PCDHA7: variants seen among roughly 807,000 people sequenced by gnomAD.
PCDHA7 encodes protocadherin alpha-7.
PCDHA7 carries 37 observed loss-of-function variants against 57.2 expected under a neutral mutation model. The observed-to-expected ratio is 0.65, with a 90% CI of 0.50 to 0.85. The LOEUF is 0.85. PCDHA7 is among the 40% of genes least tolerant of loss of function. PCDHA7 has a pLI of 0.00. For missense variants in PCDHA7, 1,188 were observed against 1,241.8 expected (o/e 0.96, Z 0.65); for synonymous variants, 553 against 558.8 (o/e 0.99, Z 0.15).
chr5:140,889,037 A>G (rs2062077417), intron 1 of PCDHA7, among the ~76,000 whole-genome samples: 1 of 151,994 alleles, frequency 6.6e-6, no homozygotes, highest in Non-Finnish European at 1.5e-5. Context: ...CCGTAATTTG[A>G]TTATAATTTA....
At chr5:140,941,210 T>TCTTCCTTTCTTTCTTC (rs2092851427) in intron 1 of PCDHA7, among the ~76,000 whole-genome samples, 1 of 100,630 alleles carries the variant, frequency 9.9e-6, no homozygotes, top group South Asian at 2.9e-4. Context: ...TTCCTTTCTT[T>TCTTCCTTTCTTTCTTC]CTTCCTTTCT....
chr5:140,959,795 T>G (rs2095511248), intron 1 of PCDHA7, among the ~76,000 whole-genome samples: 1 of 152,180 alleles, frequency 6.6e-6, no homozygotes, highest in Non-Finnish European at 1.5e-5. Flanking sequence ...CATGGCTAAT[T>G]TAGAGGATTT....
intron 1 of PCDHA7, among the ~76,000 whole-genome samples, chr5:140,922,977 G>C (rs935363543): frequency 3.9e-5 from 6 of 152,204 alleles, no homozygotes; most frequent in Non-Finnish European, 5.9e-5. Context: ...GCATATCTCA[G>C]ACAATAGGCA....
At chr5:140,901,930 C>G (rs902948893) in intron 1 of PCDHA7, among the ~76,000 whole-genome samples, 2 of 151,400 alleles carry the variant, frequency 1.3e-5, no homozygotes, top group Admixed American at 1.3e-4. Flanking sequence ...TTGGTTAATT[C>G]CTAGGTATAT....
chr5:140,850,813 G>A (rs2150499202), intron 1 of PCDHA7: 2 of 1,598,488 alleles, frequency 1.3e-6, no homozygotes, highest in Admixed American at 1.7e-5. Flanking sequence ...ATGGCCTTCA[G>A]CCCGGGCCTT....
intron 1 of PCDHA7, chr5:140,968,079 C>T (rs782150880): frequency 5.0e-6 from 8 of 1,614,142 alleles, no homozygotes; most frequent in Admixed American, 3.3e-5. Flanking sequence ...TACAACATCA[C>T]GGTGACAGCC....
chr5:140,976,453 G>A (rs1554237653), intron 1 of PCDHA7, among the ~76,000 whole-genome samples: 1 of 152,032 alleles, frequency 6.6e-6, no homozygotes, highest in Admixed American at 6.6e-5. Flanking sequence ...AGGGAGGCTG[G>A]GGAAGAAGAA....
chr5:140,882,720 G>T, intron 1 of PCDHA7: 2 of 1,614,198 alleles, frequency 1.2e-6, no homozygotes, highest in Non-Finnish European at 1.7e-6. Context: ...CCGGAAACTC[G>T]ATTTCCACTA....
intron 1 of PCDHA7, among the ~76,000 whole-genome samples, chr5:140,893,847 C>T (rs962788536): frequency 6.6e-6 from 1 of 152,134 alleles, no homozygotes; most frequent in African/African-American, 2.4e-5. Flanking sequence ...TGATGCCCTA[C>T]CTCTTGTATA....
intron 3 of PCDHA7, among the ~76,000 whole-genome samples, chr5:140,988,630 G>A (rs184253041): frequency 3.1e-4 from 47 of 152,192 alleles, no homozygotes; most frequent in African/African-American, 1.1e-3. Context: ...AGATGTCCTG[G>A]TTTTCTGAAA....
chr5:140,914,042 T>C (rs2076573370), intron 1 of PCDHA7, among the ~76,000 whole-genome samples: 1 of 152,222 alleles, frequency 6.6e-6, no homozygotes, highest in South Asian at 2.1e-4. Context: ...AGAATGTGTA[T>C]TCTGCAGCTG....
chr5:140,982,666 T>G (rs2096995489), intron 3 of PCDHA7, 103 bp downstream of exon 3: 4 of 1,467,448 alleles, frequency 2.7e-6, no homozygotes. Context: ...TTCTTTTATA[T>G]TTTTGTTATT....
In PCDHA7 at chr5:140,836,399, C is replaced by T. The variant is rs2150259749; in HGVS notation, c.2016C>T (p.Ser672=). 1.9e-6 allele frequency: 3 copies of T among 1,613,764 alleles called. No homozygotes were observed. Among genetic ancestry groups the T allele is most frequent in the Admixed American group, 3.3e-5 (2 of 60,014 alleles). The change falls in exon 1 of 4, where the codon AGC becomes AGT. Residue 672 remains serine (S), a synonymous_variant. Transcript: ENST00000525929. ...CCGTGCTGGTGTCGCTGGTGGAAAG[C>T]GGCCAGGCACCAAAGGCGTCGTCGC... is the stretch of plus-strand genomic sequence containing the variant. ...TATVLVSLVE[S]GQAPKASSRA... is the part of the protein sequence containing the mutation.
chr5:140,950,086 T>G (rs1178086288), intron 1 of PCDHA7, among the ~76,000 whole-genome samples: 1 of 151,946 alleles, frequency 6.6e-6, no homozygotes, highest in Non-Finnish European at 1.5e-5. Flanking sequence ...TATGCTATAG[T>G]TTTCATTTGT....
chr5:140,929,170 C>T, intron 1 of PCDHA7: 4 of 1,614,134 alleles, frequency 2.5e-6, no homozygotes, highest in Non-Finnish European at 3.4e-6. Flanking sequence ...TCGGGCCTCT[C>T]TGGGACTTGG....
At position 140,963,599 on chromosome 5, in the gene PCDHA7, C is replaced by T. The variant is rs968307291; in HGVS notation, c.2356-15350C>T. On this transcript the variant is annotated intron_variant, in intron 1 of 3. Coordinates refer to ENST00000525929, the MANE Select transcript of PCDHA7 (RefSeq NM_018910.3). ...TCAAAATGTAGGATATAGTTCTAGA[C>T]GTAATTGGGAAAGCTTAACTTTGTT... Among the ~76,000 whole-genome samples, 9 of 152,254 alleles carry T rather than the reference C, an allele frequency of 5.9e-5. No individual in the cohort carries two copies. The South Asian group carries it at 1.0e-3, about 18-fold the overall frequency.
At chr5:140,954,453 A>G (rs1489783264) in intron 1 of PCDHA7, among the ~76,000 whole-genome samples, 1 of 152,142 alleles carries the variant, frequency 6.6e-6, no homozygotes, top group East Asian at 1.9e-4. Flanking sequence ...ACTTGTTAAT[A>G]ATTGCCATTC....
intron 1 of PCDHA7, among the ~76,000 whole-genome samples, chr5:140,838,077 A>AGTGTGTGTGT (rs57130401): frequency 1.2e-5 from 1 of 80,662 alleles, no homozygotes; most frequent in Non-Finnish European, 2.4e-5. Flanking sequence ...ATATATATAT[A>AGTGTGTGTGT]GTGTGTGTGT....
chr5:140,848,851 T>C lies in PCDHA7; in HGVS notation c.2355+12113T>C, dbSNP rs2150422604. ...GACAGGCCGCTGCAGGTTTTCCATG[T>C]GGACGTGGAGGTGAAGGACATTAAC... is the stretch of plus-strand genomic sequence containing the variant. On this transcript the variant is annotated intron_variant, in intron 1 of 3. Coordinates refer to ENST00000525929, the MANE Select transcript of PCDHA7 (RefSeq NM_018910.3). 2.7e-5 allele frequency: 43 copies of C among 1,590,598 alleles called. 4 individuals carry two copies. The Middle Eastern group carries it at 5.0e-4, about 19-fold the overall frequency.
Sources: gnomAD v4.1 joint callset for allele counts (sites outside exome capture counted in the v4.1 genomes callset) on GRCh38, gnomAD v4.1.1 for gene constraint, MANE v1.5 for transcripts, NCBI Gene and HGNC (gene_info 2026-07-23, HGNC 2026-07-21) for gene names.